The following ST8SIA1 variants were observed in gnomAD, a reference collection of about 807,000 sequenced individuals.
ST8SIA1 encodes alpha-N-acetylneuraminide alpha-2,8-sialyltransferase.
ST8SIA1 carries 16 observed loss-of-function variants against 35.9 expected under a neutral mutation model. The observed-to-expected ratio is 0.45, with a 90% CI of 0.30 to 0.68. ST8SIA1 has a LOEUF of 0.68. ST8SIA1 is among the 30% of genes least tolerant of loss of function. The probability of loss-of-function intolerance (pLI) is 0.09; values close to 1 mark genes in which losing one functional copy is unlikely to be tolerated. For synonymous variants in ST8SIA1, 170 were observed against 169.6 expected (o/e 1.00, Z -0.02); for missense variants, 383 against 453.6 (o/e 0.84, Z 1.41).
In ST8SIA1 at chr12:22,202,040, T is replaced by A. The variant is rs1242878722; in HGVS notation, c.585-2A>T. 1 of 1,561,788 alleles carries A rather than the reference T, an allele frequency of 6.4e-7. No homozygotes were observed. The highest frequency in any genetic ancestry group is 2.1e-5 in the Admixed American group (1 of 46,804). ...CTGGACCACAGAAGGTTCTGAAACC[T>A]ATTGAAGAAAAAAAAAACTGTTCAA... On this transcript the variant is annotated splice_acceptor_variant, in intron 4 of 4. Coordinates refer to ENST00000396037, the MANE Select transcript of ST8SIA1 (RefSeq NM_003034.4). LOFTEE classifies it high-confidence loss of function.
intron 2 of ST8SIA1, among the ~76,000 whole-genome samples, chr12:22,277,637 G>A (rs376071581): frequency 2.0e-5 from 3 of 152,208 alleles, no homozygotes; most frequent in South Asian, 2.1e-4. Flanking sequence ...AAAGTGCTGG[G>A]ATTACAGGCA....
chr12:22,241,846 A>G (rs1199110208), intron 4 of ST8SIA1, among the ~76,000 whole-genome samples: 1 of 151,990 alleles, frequency 6.6e-6, no homozygotes, highest in Non-Finnish European at 1.5e-5. Flanking sequence ...ATTTCAAGAA[A>G]TATTTGTTGG....
chr12:22,309,190 G>T (rs1264774327), intron 1 of ST8SIA1, among the ~76,000 whole-genome samples: 1 of 152,152 alleles, frequency 6.6e-6, no homozygotes, highest in Non-Finnish European at 1.5e-5. Flanking sequence ...CATGACGAGG[G>T]ATAGGAAGTT....
chr12:22,220,566 T>A (rs74068737), intron 4 of ST8SIA1, among the ~76,000 whole-genome samples: 4,823 of 152,310 alleles, frequency 0.032, 226 homozygotes, highest in South Asian at 0.15. Context: ...CCCCCTGCAA[T>A]TGCCTTCATC....
intron 4 of ST8SIA1, among the ~76,000 whole-genome samples, chr12:22,242,910 G>A (rs4762895): frequency 0.54 from 81,530 of 151,866 alleles, 22,337 homozygotes; most frequent in South Asian, 0.63. Flanking sequence ...TTATGTCTCA[G>A]GCACCCTAAC....
intron 4 of ST8SIA1, among the ~76,000 whole-genome samples, chr12:22,245,412 A>G (rs1188248483): frequency 6.6e-6 from 1 of 152,244 alleles, no homozygotes; most frequent in African/African-American, 2.4e-5. Flanking sequence ...ATGTCACAAA[A>G]TGGAATTGGT....
At chr12:22,214,159 G>A (rs906039195) in intron 4 of ST8SIA1, among the ~76,000 whole-genome samples, 5 of 152,062 alleles carry the variant, frequency 3.3e-5, no homozygotes, top group African/African-American at 1.2e-4. Context: ...GGTGGGCAAA[G>A]GAGACAGAGC....
intron 2 of ST8SIA1, among the ~76,000 whole-genome samples, chr12:22,269,332 T>C (rs1414565828): frequency 6.6e-6 from 1 of 152,192 alleles, no homozygotes; most frequent in Non-Finnish European, 1.5e-5. Flanking sequence ...AAGTCTCCCT[T>C]GCTTCTTTTC....
At chr12:22,290,284 T>C (rs1866158340) in intron 1 of ST8SIA1, among the ~76,000 whole-genome samples, 1 of 152,188 alleles carries the variant, frequency 6.6e-6, no homozygotes, top group African/African-American at 2.4e-5. Context: ...GAAATGTGTA[T>C]GCATATCCCA....
At chr12:22,253,928 TAA>T (rs1012409627) in intron 3 of ST8SIA1, among the ~76,000 whole-genome samples, 1 of 152,186 alleles carries the variant, frequency 6.6e-6, no homozygotes, top group Non-Finnish European at 1.5e-5. Flanking sequence ...CTCTCTCAAA[TAA>T]AGTTTTTACT....
In ST8SIA1 at chr12:22,334,258, G is replaced by C; in HGVS notation, c.-26C>G. 1 of 1,587,444 alleles carries C rather than the reference G, an allele frequency of 6.3e-7. No homozygotes were observed. The highest frequency in any genetic ancestry group is 1.1e-5 in the South Asian group (1 of 90,358). ...CGCAGCCCCGGCGTCCCAGGGGCGG[G>C]GGCCGGGGCCTCAGCACAAAGCTAG... On this transcript the variant is annotated 5_prime_UTR_variant, in exon 1 of 5. Coordinates refer to ENST00000396037, the MANE Select transcript of ST8SIA1 (RefSeq NM_003034.4).
chr12:22,193,868 A>G lies in ST8SIA1; in HGVS notation c.*7684T>C, dbSNP rs922782571. 1.3e-5 allele frequency: 2 copies of G among 152,196 alleles called. No homozygotes were observed. The highest frequency in any genetic ancestry group is 2.4e-5 in the African/African-American group (1 of 41,444). 9.4% of individuals were successfully genotyped at this position (152,196 alleles called of 1,614,324 possible). The stretch of plus-strand genomic sequence containing the variant: ...CAGATTATATTATATGAGAAAAAAT[A>G]ATGTTTTAATTTTTCTATTTTCTTA... On this transcript the variant is annotated 3_prime_UTR_variant, in exon 5 of 5. Coordinates refer to ENST00000396037, the MANE Select transcript of ST8SIA1 (RefSeq NM_003034.4).
rs568618283 is a variant in ST8SIA1 at position 22,259,136 on chromosome 12, C to T, written c.382-3747G>A. Among the ~76,000 whole-genome samples, 207 of 152,172 alleles carry T rather than the reference C, an allele frequency of 1.4e-3. 1 individual carries two copies. Among genetic ancestry groups the T allele is most frequent in the Non-Finnish European group, 1.2e-3 (79 of 68,000 alleles). ...CCTGGCTTGTTCAAGCCATGAAATG[C>T]CTAGATTTCACGGTTTCTGTAGAAC... On this transcript the variant is annotated intron_variant, in intron 2 of 4. Coordinates refer to ENST00000396037, the MANE Select transcript of ST8SIA1 (RefSeq NM_003034.4).
intron 2 of ST8SIA1, among the ~76,000 whole-genome samples, chr12:22,277,343 A>G (rs75775510): frequency 0.091 from 13,760 of 151,192 alleles, 780 homozygotes; most frequent in East Asian, 0.15. Context: ...GATGTCACAG[A>G]AAGGCAAATT....
chr12:22,303,846 CCA>C (rs61596419), intron 1 of ST8SIA1, among the ~76,000 whole-genome samples: 6,777 of 140,646 alleles, frequency 0.048, 211 homozygotes, highest in Middle Eastern at 0.11. Flanking sequence ...CACCACCCTG[CCA>C]CACACACACA....
chr12:22,252,731 T>C (rs918192935), intron 3 of ST8SIA1, among the ~76,000 whole-genome samples: 12 of 152,216 alleles, frequency 7.9e-5, no homozygotes, highest in Non-Finnish European at 1.6e-4. Flanking sequence ...AAAAGTCTTG[T>C]TTACTTGTGA....
At chr12:22,314,774 C>A (rs1317362994) in intron 1 of ST8SIA1, among the ~76,000 whole-genome samples, 1 of 152,152 alleles carries the variant, frequency 6.6e-6, no homozygotes, top group Non-Finnish European at 1.5e-5. Flanking sequence ...TCTTAACTCA[C>A]ATCCCTGGCT....
At chr12:22,306,712 A>C (rs892200124) in intron 1 of ST8SIA1, among the ~76,000 whole-genome samples, 4 of 152,160 alleles carry the variant, frequency 2.6e-5, no homozygotes, top group African/African-American at 9.7e-5. Flanking sequence ...TGTGCTGGAC[A>C]CTTGGTGTTC....
intron 1 of ST8SIA1, among the ~76,000 whole-genome samples, chr12:22,297,056 G>C (rs1429182905): frequency 6.6e-6 from 1 of 152,052 alleles, no homozygotes; most frequent in Admixed American, 6.6e-5. Context: ...GAATAGCACT[G>C]GGGAGGCCAG....
Sources: allele counts gnomAD v4.1 joint callset (sites outside exome capture counted in the v4.1 genomes callset), GRCh38; gene constraint gnomAD v4.1.1; transcripts MANE v1.5; gene names NCBI Gene and HGNC (gene_info 2026-07-23, HGNC 2026-07-21).